ZNF536: variants seen among roughly 807,000 people sequenced by gnomAD.
The protein encoded by ZNF536 is zinc finger protein 536.
In ZNF536, 13 loss-of-function variants were observed where a neutral mutation model predicts 84.5. The observed-to-expected ratio is 0.15, with a 90% CI of 0.10 to 0.24. The LOEUF is 0.24. Among genes scored for constraint, ZNF536 ranks in the 10% least tolerant of loss-of-function variants. ZNF536 has a pLI of 1.00. For missense variants in ZNF536, 1,536 were observed against 1,747.5 expected (o/e 0.88, Z 2.16); for synonymous variants, 811 against 742.5 (o/e 1.09, Z -1.50).
intron 2 of ZNF536, among the ~76,000 whole-genome samples, chr19:30,351,342 G>A (rs530518698): frequency 1.1e-4 from 17 of 152,298 alleles, no homozygotes; most frequent in Middle Eastern, 6.8e-3. Flanking sequence ...TGGTTTCAAA[G>A]AATGCACTTT....
At chr19:30,422,241 GA>G (rs1441387606) in intron 1 of ZNF536, among the ~76,000 whole-genome samples, 1 of 152,132 alleles carries the variant, frequency 6.6e-6, no homozygotes, top group East Asian at 1.9e-4. Flanking sequence ...GGGCTCTACA[GA>G]AAACCTCCTG....
At chr19:30,542,190 G>A (rs539134397) in intron 3 of ZNF536, among the ~76,000 whole-genome samples, 1 of 152,174 alleles carries the variant, frequency 6.6e-6, no homozygotes, top group Non-Finnish European at 1.5e-5. Context: ...GAATCCACCT[G>A]TTATTTTTGG....
chr19:30,551,472 G>A (rs771234035), intron 4 of ZNF536, among the ~76,000 whole-genome samples: 1 of 152,114 alleles, frequency 6.6e-6, no homozygotes, highest in Non-Finnish European at 1.5e-5. Context: ...AGCAGCACAC[G>A]ACACGTCCCT....
intron 1 of ZNF536, among the ~76,000 whole-genome samples, chr19:30,626,505 G>A (rs139769287): frequency 2.0e-5 from 3 of 152,194 alleles, no homozygotes; most frequent in South Asian, 4.1e-4. Context: ...CTGGCAAGAC[G>A]GCACCTCGAG....
intron 1 of ZNF536, among the ~76,000 whole-genome samples, chr19:30,281,159 C>T (rs1268480488): frequency 2.6e-5 from 4 of 152,160 alleles, no homozygotes; most frequent in Non-Finnish European, 5.9e-5. Context: ...TCCACTCCTG[C>T]TCTTGTCTCC....
At chr19:30,481,242 ATG>A (rs994795871) in intron 2 of ZNF536, among the ~76,000 whole-genome samples, 10 of 152,212 alleles carry the variant, frequency 6.6e-5, no homozygotes, top group African/African-American at 2.4e-4. Flanking sequence ...GCATATGTGC[ATG>A]TGTGTGTATA....
intron 1 of ZNF536, among the ~76,000 whole-genome samples, chr19:30,573,717 T>C (rs1032347374): frequency 2.0e-5 from 3 of 152,172 alleles, no homozygotes; most frequent in Non-Finnish European, 4.4e-5. Flanking sequence ...GTCAGGACTT[T>C]TGATGGCCAT....
rs71333450 is a variant in ZNF536 at position 30,264,930 on chromosome 19, CGT to C, written c.-189-19106_-189-19105del. Among the ~76,000 whole-genome samples, 1,080 of 135,584 alleles carry C rather than the reference CGT, an allele frequency of 8.0e-3. 6 individuals are homozygous for C. The highest frequency in any genetic ancestry group is 0.015 in the Middle Eastern group (4 of 266). The allele number at this position is 135,584 out of a possible 152,430, so 88.9% of individuals were successfully genotyped here. A position where few individuals can be genotyped will look rare whatever the true frequency, so the allele number is the denominator to read the frequency against. On this transcript the variant is annotated intron_variant, in intron 1 of 5. Coordinates refer to the ZNF536 transcript ENST00000585628. The stretch of plus-strand genomic sequence containing the variant: ...CAAAAAGTTCTGCTCTGTCAATAGT[CGT>C]GTGTGTGTGTGTGTGTGTGTGTGTG...
At chr19:30,501,293 A>T (rs1487502267) in intron 2 of ZNF536, among the ~76,000 whole-genome samples, 1 of 152,174 alleles carries the variant, frequency 6.6e-6, no homozygotes, top group African/African-American at 2.4e-5. Flanking sequence ...GTTCATGGAA[A>T]AGGAAGCCAA....
intron 2 of ZNF536, among the ~76,000 whole-genome samples, chr19:30,508,192 C>T (rs2055251803): frequency 6.6e-6 from 1 of 152,154 alleles, no homozygotes; most frequent in South Asian, 2.1e-4. Context: ...CACCGATTGC[C>T]CATGGAAGCT....
chr19:30,381,165 A>G (rs1481368711), intron 1 of ZNF536, among the ~76,000 whole-genome samples: 2 of 152,230 alleles, frequency 1.3e-5, no homozygotes, highest in African/African-American at 2.4e-5. Flanking sequence ...GGTGTGAGCC[A>G]CCACCATGCC....
At chr19:30,417,964 G>A (rs1013327688) in intron 1 of ZNF536, among the ~76,000 whole-genome samples, 20 of 151,930 alleles carry the variant, frequency 1.3e-4, no homozygotes, top group African/African-American at 4.6e-4. Context: ...GCCTAGGCTC[G>A]TCTTGAACTC....
intron 1 of ZNF536, among the ~76,000 whole-genome samples, chr19:30,273,835 T>G (rs1035871712): frequency 9.2e-5 from 14 of 151,948 alleles, no homozygotes; most frequent in African/African-American, 3.4e-4. Context: ...AAGATACACA[T>G]GATGTATGTT....
At position 30,293,693 on chromosome 19, in the gene ZNF536, G is replaced by A. The variant is rs553240049; in HGVS notation, c.-120+9552G>A. Among the ~76,000 whole-genome samples, 26 of 152,294 alleles carry A rather than the reference G, an allele frequency of 1.7e-4. No individual in the cohort carries two copies. In the East Asian group the frequency reaches 2.9e-3, roughly 17 times the overall value. ...ATTCATTTTGCACAAAGGAAAGTACGATAATCGGAGTTGCAGGATGATAAT... is the reference window on the plus strand; with the variant it reads ...ATTCATTTTGCACAAAGGAAAGTACAATAATCGGAGTTGCAGGATGATAAT... On this transcript the variant is annotated intron_variant, in intron 2 of 5. Coordinates refer to the ZNF536 transcript ENST00000585628.
chr19:30,521,642 G>T (rs73024890), intron 2 of ZNF536, among the ~76,000 whole-genome samples: 14,686 of 152,048 alleles, frequency 0.097, 978 homozygotes, highest in Non-Finnish European at 0.15. Context: ...GCTGGACACC[G>T]GCCACGTGCA....
rs967731927 is a variant in ZNF536 at position 30,664,226 on chromosome 19, C to T, written c.170-46531C>T. Among the ~76,000 whole-genome samples the T allele has an allele frequency of 2.9e-4, 37 of 127,336 alleles. 1 individual carries two copies. The highest frequency in any genetic ancestry group is 1.1e-3 in the African/African-American group (36 of 33,936). 83.5% of individuals were successfully genotyped at this position (127,336 alleles called of 152,430 possible). On this transcript the variant is annotated intron_variant, in intron 1 of 1. Transcript: ENST00000592773. ...GTTTTCTCTCTCTCTCTCTCTCTCT[C>T]TCTCTCTCTCTCTCTCTCTCTCTCT...
At chr19:30,457,033 C>G (rs1228987683) in intron 2 of ZNF536, among the ~76,000 whole-genome samples, 2 of 125,848 alleles carry the variant, frequency 1.6e-5, no homozygotes, top group Admixed American at 9.2e-5. Flanking sequence ...CAGAGCAAGA[C>G]TTCATCTCAA....
At chr19:30,678,868 G>A (rs1316437642) in intron 1 of ZNF536, among the ~76,000 whole-genome samples, 1 of 152,152 alleles carries the variant, frequency 6.6e-6, no homozygotes, top group Non-Finnish European at 1.5e-5. Flanking sequence ...CTTGAGGTCA[G>A]GAGGTTGAGA....
Position 30,548,890 on chromosome 19 carries a change from C to G in ZNF536, c.3271C>G (p.Gln1091Glu), listed in dbSNP as rs1259227566. The G allele has an allele frequency of 6.2e-7, 1 of 1,614,156 alleles. No homozygotes were observed. The change falls in exon 4 of 5, where the codon CAG (glutamine) becomes GAG (glutamate). Residue 1091 changes from glutamine to glutamate, a missense_variant. This residue lies in a region of ZNF536 where 624 missense variants were observed against 603.1 expected (regional missense o/e 1.03). Transcript: ENST00000355537. ...QGQLKETLGE[Q>E]KSGAWTGHVD... Reference sequence around the variant, plus strand: ...TCAGCTCAAGGAGACTCTGGGAGAGCAGAAGAGCGGTGCATGGACCGGCCA... The same window carrying G: ...TCAGCTCAAGGAGACTCTGGGAGAGGAGAAGAGCGGTGCATGGACCGGCCA...
Sources: gnomAD v4.1 joint callset for allele counts (sites outside exome capture counted in the v4.1 genomes callset) on GRCh38, gnomAD v4.1.1 for gene constraint, gnomAD v4.1.1 regional missense constraint, MANE v1.5 for transcripts, NCBI Gene and HGNC (gene_info 2026-07-23, HGNC 2026-07-21) for gene names.